The following JAKMIP3 variants were observed in gnomAD, a reference collection of about 807,000 sequenced individuals.
The protein encoded by JAKMIP3 is janus kinase and microtubule-interacting protein 3.
JAKMIP3 carries 58 observed loss-of-function variants against 118.5 expected under a neutral mutation model. That is an observed-to-expected ratio of 0.49 (90% CI 0.40 to 0.61). The LOEUF is 0.61. Ranked by LOEUF, JAKMIP3 falls within the 20% of genes least tolerant of loss-of-function variation. The pLI is 0.00. For synonymous variants in JAKMIP3, 486 were observed against 451.2 expected, an observed-to-expected ratio of 1.08 and a Z score of -0.98; for missense variants, 950 against 1,109.0, an observed-to-expected ratio of 0.86 and a Z score of 2.04.
rs2061589477 is a variant in JAKMIP3, at chr10:132,182,560, CT to C, written c.*1309del. 6.6e-6 allele frequency: 1 copy of C among 152,230 alleles called. No individual in the cohort carries two copies. Among genetic ancestry groups the C allele is most frequent in the African/African-American group, 2.4e-5 (1 of 41,438 alleles). The allele number at this position is 152,230 out of a possible 1,614,324, so 9.4% of individuals were successfully genotyped here. A position where few individuals can be genotyped will look rare whatever the true frequency, so the allele number is the denominator to read the frequency against. On this transcript the variant is annotated 3_prime_UTR_variant, in exon 24 of 24. Transcript: ENST00000684848. ...GACAGGAGGTGTGTGTGTGTGCTCA[CT>C]TGTGTGCACAAGCATGCGTTTATGC...
rs2060760149 is a variant in JAKMIP3, at chr10:132,180,564, T to TGTGCGC, written c.*1104-1788_*1104-1787insCGTGCG. Reference sequence around the variant, plus strand: ...GTGTGTGCGTGCGTGCATGCGTGTGTGTGCGTGTGTGTGTGCGTGCGCGTG... The same window carrying TGTGCGC: ...GTGTGTGCGTGCGTGCATGCGTGTGTGTGCGCGTGCGTGTGTGTGTGCGTGCGCGTG... On this transcript the variant is annotated intron_variant, in intron 23 of 23. Transcript: ENST00000684848. Among the ~76,000 whole-genome samples, 7 of 50,762 alleles carry TGTGCGC rather than the reference T, an allele frequency of 1.4e-4. 2 individuals are homozygous for TGTGCGC. The highest frequency in any genetic ancestry group is 8.1e-4 in the African/African-American group (7 of 8,692). 33.3% of individuals were successfully genotyped at this position (50,762 alleles called of 152,430 possible).
chr10:132,109,961 T>C (rs1447165093), intron 2 of JAKMIP3, among the ~76,000 whole-genome samples: 1 of 152,210 alleles, frequency 6.6e-6, no homozygotes, highest in Non-Finnish European at 1.5e-5. Context: ...ACTGTGTCCG[T>C]GCCAAAAGTA....
At chr10:132,036,921 G>T (rs889629948) in intron 1 of JAKMIP3, among the ~76,000 whole-genome samples, 51 of 151,836 alleles carry the variant, frequency 3.4e-4, no homozygotes, top group Non-Finnish European at 7.1e-4. Context: ...GCCTCTCCCG[G>T]CGGTCCCCCC....
chr10:132,097,028 C>T (rs112648099), intron 1 of JAKMIP3, among the ~76,000 whole-genome samples: 24 of 152,304 alleles, frequency 1.6e-4, no homozygotes, highest in Non-Finnish European at 3.1e-4. Context: ...ACAGGAGAGA[C>T]GCCACGGCGA....
intron 1 of JAKMIP3, among the ~76,000 whole-genome samples, chr10:132,058,820 A>G (rs2038316595): frequency 6.6e-6 from 1 of 152,240 alleles, no homozygotes; most frequent in African/African-American, 2.4e-5. Flanking sequence ...TCAAAAATGC[A>G]TAAAGTACCC....
At chr10:132,180,532 T>TGTGTGTGTGTGCGTGC (rs2060680345) in intron 23 of JAKMIP3, among the ~76,000 whole-genome samples, 2 of 30,348 alleles carry the variant, frequency 6.6e-5, no homozygotes, top group African/African-American at 3.7e-4. Flanking sequence ...ACTGTGTGTG[T>TGTGTGTGTGTGCGTGC]GTGTGTGTGT....
At chr10:132,061,439 T>C (rs1469271288), upstream of JAKMIP3, among the ~76,000 whole-genome samples, 1 of 152,274 alleles carries the variant, frequency 6.6e-6, no homozygotes, top group Admixed American at 6.5e-5. Flanking sequence ...CAAGATTCAA[T>C]GTCAAAGAGA....
chr10:132,117,692 C>A lies in JAKMIP3; in HGVS notation c.633+118C>A. On this transcript the variant is annotated intron_variant, in intron 3 of 23. Transcript: ENST00000684848. This position sits in a 1 kb window ranked among gnomAD's most constrained non-coding sequence, Gnocchi z 8.6. ...GGGCTCGGGGAGCACGCGGGCAGCA[C>A]CGGCTTCACCCCCCATGACATTCTT... is the stretch of plus-strand genomic sequence containing the variant. 8.7e-7 allele frequency: 1 copy of A among 1,152,194 alleles called. No individual in the cohort carries two copies. The highest frequency in any genetic ancestry group is 1.1e-6 in the Non-Finnish European group (1 of 895,094). 71.4% of individuals were successfully genotyped at this position (1,152,194 alleles called of 1,614,324 possible).
intron 1 of JAKMIP3, among the ~76,000 whole-genome samples, chr10:132,079,404 C>T (rs576027161): frequency 6.6e-6 from 1 of 152,124 alleles, no homozygotes; most frequent in Non-Finnish European, 1.5e-5. Context: ...AGCGGTAGCA[C>T]TGGAGGGCAT....
intron 3 of JAKMIP3, among the ~76,000 whole-genome samples, chr10:132,133,035 C>G (rs1043102373): frequency 6.6e-6 from 1 of 152,186 alleles, no homozygotes; most frequent in Non-Finnish European, 1.5e-5. Flanking sequence ...CAGGACAGCA[C>G]GGAATGGGGT....
chr10:132,134,907 C>A, intron 4 of JAKMIP3, 134 bp from the exon 5 acceptor site: 1 of 1,177,492 alleles, frequency 8.5e-7, no homozygotes, highest in Non-Finnish European at 1.2e-6. Flanking sequence ...GGCTCCGAAC[C>A]TTCCCGGCAG....
chr10:132,120,001 G>C (rs4880336), intron 3 of JAKMIP3, among the ~76,000 whole-genome samples: 1 of 151,958 alleles, frequency 6.6e-6, no homozygotes, highest in South Asian at 2.1e-4. Flanking sequence ...CTTTGCTCAC[G>C]CTCTTCTCCA....
At chr10:132,155,946 G>T (rs1388078921) in intron 19 of JAKMIP3, among the ~76,000 whole-genome samples, 1 of 152,164 alleles carries the variant, frequency 6.6e-6, no homozygotes, top group African/African-American at 2.4e-5. Context: ...CTGCTCATGG[G>T]GCGGCTCCCA....
chr10:132,054,699 A>C lies in JAKMIP3; in HGVS notation c.-138+17961A>C, dbSNP rs2038191297. Among the ~76,000 whole-genome samples, 3 of 152,182 alleles carry C rather than the reference A, an allele frequency of 2.0e-5. No homozygotes were observed. In the South Asian group the frequency reaches 6.2e-4, roughly 32 times the overall value. ...ATTTCAGACCGGGCTAACAGATAAGACTAAGGTGTGGTCAGTGAGCTGAAG... is the reference window on the plus strand; with the variant it reads ...ATTTCAGACCGGGCTAACAGATAAGCCTAAGGTGTGGTCAGTGAGCTGAAG... On this transcript the variant is annotated intron_variant, in intron 1 of 23. Coordinates refer to the JAKMIP3 transcript ENST00000657785.
chr10:132,078,344 AT>A (rs397718310), intron 1 of JAKMIP3, among the ~76,000 whole-genome samples: 75 of 151,124 alleles, frequency 5.0e-4, no homozygotes, highest in Admixed American at 3.0e-3. Context: ...TTGCTGGGAC[AT>A]TTTTTTTTCC....
chr10:132,180,950 C>G (rs183202853), intron 23 of JAKMIP3, among the ~76,000 whole-genome samples: 1 of 151,856 alleles, frequency 6.6e-6, no homozygotes, highest in African/African-American at 2.4e-5. Context: ...TACACATGTA[C>G]AGTGCATTTG....
upstream of JAKMIP3, among the ~76,000 whole-genome samples, chr10:132,064,009 TG>T (rs2038506419): frequency 6.6e-6 from 1 of 152,244 alleles, no homozygotes; most frequent in African/African-American, 2.4e-5. This position sits in a 1 kb window ranked among gnomAD's most constrained non-coding sequence, Gnocchi z 4.4. Flanking sequence ...AGCTTTTTTA[TG>T]GCTGACTTTA....
intron 15 of JAKMIP3, 49 bp downstream of exon 15, chr10:132,149,559 C>CGCCCCACCCCCTCCCTGCCCCT: frequency 1.2e-6 from 1 of 815,370 alleles, no homozygotes; most frequent in Admixed American, 2.6e-5. Context: ...ACCCATCCCC[C>CGCCCCACCCCCTCCCTGCCCCT]GCCCCACCCC....
intron 1 of JAKMIP3, among the ~76,000 whole-genome samples, chr10:132,081,339 A>T (rs1292023755): frequency 6.6e-6 from 1 of 152,180 alleles, no homozygotes; most frequent in Non-Finnish European, 1.5e-5. Context: ...TACCTTTCAC[A>T]TTGTTATCTG....
Sources: allele counts gnomAD v4.1 joint callset (sites outside exome capture counted in the v4.1 genomes callset), GRCh38; gene constraint gnomAD v4.1.1; non-coding constraint Gnocchi (gnomAD v3.1); transcripts MANE v1.5; gene names NCBI Gene and HGNC (gene_info 2026-07-23, HGNC 2026-07-21).